The following STAM2 variants were observed in gnomAD, a reference collection of about 807,000 sequenced individuals.
STAM2 encodes the protein signal transducing adapter molecule 2.
STAM2 carries 51 observed loss-of-function variants against 65.6 expected under a neutral mutation model. The ratio of observed to expected loss-of-function variants is 0.78; its 90% confidence interval spans 0.62 to 0.98. The LOEUF is 0.98. Ranked by LOEUF, STAM2 falls within the 50% of genes least tolerant of loss-of-function variation. The probability of loss-of-function intolerance (pLI) is 0.00; values close to 1 mark genes in which losing one functional copy is unlikely to be tolerated. For synonymous variants in STAM2, 198 were observed against 208.4 expected, an observed-to-expected ratio of 0.95 and a Z score of 0.43; for missense variants, 584 against 617.8, an observed-to-expected ratio of 0.95 and a Z score of 0.58.
rs766285879 is a variant in STAM2 at position 152,143,935 on chromosome 2, A to G, written c.596T>C (p.Leu199Ser). Residue 199 changes from leucine (L) to serine (S), a missense_variant, in exon 7 of 14, where the codon TTA (leucine) becomes TCA (serine). By Grantham distance (145) the Leu-to-Ser change is moderately radical. Coordinates refer to ENST00000263904, the MANE Select transcript of STAM2 (RefSeq NM_005843.6). The part of the protein sequence containing the change: ...KSLYPSSEIQ[L>S]NNKVARKVRA... ...CACTTTCCGTGCAACCTTATTATTT[A>G]ACTGAATTTCTGAAGATGGATATAA... 6.2e-7 allele frequency: 1 copy of G among 1,613,838 alleles called. No individual in the cohort carries two copies. Among genetic ancestry groups the G allele is most frequent in the Non-Finnish European group, 8.5e-7 (1 of 1,179,856 alleles).
At chr2:152,136,610 T>C (rs1689159018) in intron 7 of STAM2, among the ~76,000 whole-genome samples, 1 of 19,742 alleles carries the variant, frequency 5.1e-5, no homozygotes, top group South Asian at 3.2e-3. Flanking sequence ...TATAGCCAAG[T>C]CCATATAGAA....
chr2:152,129,610 T>C (rs1362204644), intron 11 of STAM2, among the ~76,000 whole-genome samples: 2 of 152,224 alleles, frequency 1.3e-5, no homozygotes, highest in African/African-American at 4.8e-5. Flanking sequence ...CATTGTAGAA[T>C]GTGTGGACAT....
intron 7 of STAM2, among the ~76,000 whole-genome samples, chr2:152,137,795 C>G (rs558528765): frequency 6.6e-6 from 1 of 151,600 alleles, no homozygotes; most frequent in South Asian, 2.1e-4. Context: ...TTTTAATGTA[C>G]TATGTGAAAC....
intron 1 of STAM2, among the ~76,000 whole-genome samples, chr2:152,172,552 TG>T (rs1439763109): frequency 5.3e-5 from 8 of 152,174 alleles, no homozygotes; most frequent in Admixed American, 5.2e-4. Context: ...GGTTACTTCC[TG>T]TTGGGAAAGT....
At chr2:152,144,736 A>C in intron 6 of STAM2, 152 bp downstream of exon 6, 3 of 562,198 alleles carry the variant, frequency 5.3e-6, no homozygotes, top group Non-Finnish European at 9.5e-6. Context: ...ATGGGGTTTC[A>C]CCTTGTTGGT....
rs1248566065 is a variant in STAM2 at position 152,144,821 on chromosome 2, G to A, written c.517+67C>T. On this transcript the variant is annotated intron_variant, in intron 6 of 13. Transcript: ENST00000263904. ...CAAAGTGCTGGGATTACAGGCGTGA[G>A]CCACCGCGCCCAGCCCTGGCAAAGA... 9.3e-6 allele frequency: 13 copies of A among 1,398,376 alleles called. No individual in the cohort carries two copies. In the South Asian group the frequency reaches 1.4e-4, roughly 15 times the overall value. The allele number at this position is 1,398,376 out of a possible 1,614,324, so 86.6% of individuals were successfully genotyped here. A position where few individuals can be genotyped will look rare whatever the true frequency, so the allele number is the denominator to read the frequency against.
At position 152,120,681 on chromosome 2, in the gene STAM2, G is replaced by C. The variant is rs1481424076; in HGVS notation, c.1471C>G (p.Gln491Glu). The C allele has an allele frequency of 6.2e-7, 1 of 1,614,140 alleles. No individual in the cohort carries two copies. Among genetic ancestry groups the C allele is most frequent in the East Asian group, 2.2e-5 (1 of 44,870 alleles). The change falls in exon 14 of 14, where the codon CAG becomes GAG. Residue 491 changes from glutamine (Q) to glutamate (E), a missense_variant. Gln to Glu is a conservative substitution (Grantham distance 29). Coordinates refer to ENST00000263904, the MANE Select transcript of STAM2 (RefSeq NM_005843.6). ...TGAGGCAAATTGGAAGTAGTGTTCT[G>C]ATAAGATGACATATCCACAGACATC... is the stretch of plus-strand genomic sequence containing the variant. ...MGMSVDMSSY[Q>E]NTTSNLPQLA... is the part of the protein sequence containing the mutation.
chr2:152,139,714 G>T (rs141800920), intron 7 of STAM2, among the ~76,000 whole-genome samples: 106 of 152,270 alleles, frequency 7.0e-4, no homozygotes, highest in African/African-American at 2.5e-3. Flanking sequence ...AGAATCAACT[G>T]ATTTAGTAGA....
Position 152,150,307 on chromosome 2 carries a change from T to A in STAM2, c.41-78A>T, listed in dbSNP as rs1034509161. 7.8e-6 allele frequency: 7 copies of A among 894,500 alleles called. No individual in the cohort carries two copies. The African/African-American group carries it at 1.2e-4, about 15-fold the overall frequency. The allele number at this position is 894,500 out of a possible 1,614,324, so 55.4% of individuals were successfully genotyped here. A position where few individuals can be genotyped will look rare whatever the true frequency, so the allele number is the denominator to read the frequency against. On this transcript the variant is annotated intron_variant, in intron 1 of 13. Transcript: ENST00000263904. ...AAAATACCAGTAAAGGTCCAACAGTTAAGAAATCCTACCTTTTCTATTGCC... is the reference window on the plus strand; with the variant it reads ...AAAATACCAGTAAAGGTCCAACAGTAAAGAAATCCTACCTTTTCTATTGCC...
chr2:152,119,318 C>G lies in STAM2; in HGVS notation c.*1256G>C, dbSNP rs1399301897. On this transcript the variant is annotated 3_prime_UTR_variant, in exon 14 of 14. Coordinates refer to ENST00000263904, the MANE Select transcript of STAM2 (RefSeq NM_005843.6). Reference sequence around the variant, plus strand: ...ATATAGAATCTATTAGCACTATAAACTAACTCAAAATGCAGGCTTCAGAAA... The same window carrying G: ...ATATAGAATCTATTAGCACTATAAAGTAACTCAAAATGCAGGCTTCAGAAA... 6.6e-6 allele frequency: 1 copy of G among 152,166 alleles called. No homozygotes were observed. The highest frequency in any genetic ancestry group is 1.5e-5 in the Non-Finnish European group (1 of 68,016). 9.4% of individuals were successfully genotyped at this position (152,166 alleles called of 1,614,324 possible). A position where few individuals can be genotyped will look rare whatever the true frequency, so the allele number is the denominator to read the frequency against.
chr2:152,149,017 T>C (rs1464728346), intron 2 of STAM2, among the ~76,000 whole-genome samples: 1 of 152,238 alleles, frequency 6.6e-6, no homozygotes, highest in Non-Finnish European at 1.5e-5. Context: ...TTAAAACAAA[T>C]GCTTTCATCA....
At chr2:152,138,920 T>A (rs1457349649) in intron 7 of STAM2, among the ~76,000 whole-genome samples, 1 of 152,202 alleles carries the variant, frequency 6.6e-6, no homozygotes, top group Non-Finnish European at 1.5e-5. Flanking sequence ...AACAACTGTA[T>A]GTGTGTACCC....
intron 11 of STAM2, among the ~76,000 whole-genome samples, chr2:152,128,127 G>T (rs1688995457): frequency 6.6e-6 from 1 of 152,156 alleles, no homozygotes; most frequent in South Asian, 2.1e-4. Flanking sequence ...AAAATATCAG[G>T]CCGGGCGCGG....
At position 152,175,713 on chromosome 2, in the gene STAM2, C is replaced by T; in HGVS notation, c.-71G>A. ...AGCAACTGCTACCCGCCGGGTGACC[C>T]GCGGCCGCGGCTCCCTAGACCGCTC... On this transcript the variant is annotated 5_prime_UTR_variant, in exon 1 of 14. Coordinates refer to ENST00000263904, the MANE Select transcript of STAM2 (RefSeq NM_005843.6). The T allele has an allele frequency of 2.0e-6, 3 of 1,524,752 alleles. No homozygotes were observed. The highest frequency in any genetic ancestry group is 2.7e-6 in the Non-Finnish European group (3 of 1,122,614). 94.5% of individuals were successfully genotyped at this position (1,524,752 alleles called of 1,614,324 possible). A position where few individuals can be genotyped will look rare whatever the true frequency, so the allele number is the denominator to read the frequency against.
chr2:152,136,858 G>C (rs115925690), intron 7 of STAM2, among the ~76,000 whole-genome samples: 123 of 150,678 alleles, frequency 8.2e-4, no homozygotes, highest in Non-Finnish European at 1.3e-3. Context: ...TCACAGACGT[G>C]AACTTGCTGG....
At chr2:152,122,472 A>G (rs764470495) in intron 13 of STAM2, among the ~76,000 whole-genome samples, 49 of 152,244 alleles carry the variant, frequency 3.2e-4, no homozygotes, top group South Asian at 1.5e-3. Context: ...CACCAAATAT[A>G]CTGCTTGCAA....
At chr2:152,145,402 A>G (rs949072458) in intron 5 of STAM2, among the ~76,000 whole-genome samples, 7 of 151,512 alleles carry the variant, frequency 4.6e-5, no homozygotes, top group Admixed American at 1.3e-4. Context: ...ATTTTAAATA[A>G]TTGTTTTCAA....
intron 1 of STAM2, among the ~76,000 whole-genome samples, chr2:152,174,375 T>G (rs1361648916): frequency 6.6e-6 from 1 of 152,138 alleles, no homozygotes; most frequent in South Asian, 2.1e-4. Context: ...AAGGAAACAG[T>G]GAGCCTTAAG....
chr2:152,150,762 T>C (rs1272227888), intron 1 of STAM2, among the ~76,000 whole-genome samples: 3 of 152,256 alleles, frequency 2.0e-5, no homozygotes, highest in Non-Finnish European at 2.9e-5. Flanking sequence ...GCTATTATCA[T>C]GCTACCGCAC....
Sources: allele counts gnomAD v4.1 joint callset (sites outside exome capture counted in the v4.1 genomes callset), GRCh38; gene constraint gnomAD v4.1.1; transcripts MANE v1.5; gene names NCBI Gene and HGNC (gene_info 2026-07-23, HGNC 2026-07-21).